HDAC9: variants seen among roughly 807,000 people sequenced by gnomAD.
The protein encoded by HDAC9 is MEF-2 interacting transcription repressor (MITR) protein.
In HDAC9, 41 loss-of-function variants were observed where a neutral mutation model predicts 139.4. The ratio of observed to expected loss-of-function variants is 0.29; its 90% CI spans 0.23 to 0.38. The LOEUF is 0.38. Ranked by LOEUF, HDAC9 falls within the 10% of genes least tolerant of loss-of-function variation. HDAC9 has a pLI of 1.00. For synonymous variants in HDAC9, 517 were observed against 476.2 expected, an observed-to-expected ratio of 1.09 and a Z score of -1.12; for missense variants, 1,147 against 1,297.0, an observed-to-expected ratio of 0.88 and a Z score of 1.78.
chr7:18,915,031 T>C (rs1272545958), intron 22 of HDAC9, among the ~76,000 whole-genome samples: 1 of 152,100 alleles, frequency 6.6e-6, no homozygotes, highest in Non-Finnish European at 1.5e-5. Flanking sequence ...CAAAATCTTG[T>C]GTATCTTGTT....
intron 1 of HDAC9, among the ~76,000 whole-genome samples, chr7:18,134,176 G>T (rs113683212): frequency 6.6e-6 from 1 of 152,044 alleles, no homozygotes; most frequent in African/African-American, 2.4e-5. Flanking sequence ...CTGTGGGACT[G>T]CTTTAAAGTT....
At chr7:18,869,887 GTT>G (rs146884767) in intron 21 of HDAC9, among the ~76,000 whole-genome samples, 66,716 of 145,174 alleles carry the variant, frequency 0.46, 15,545 homozygotes, top group African/African-American at 0.59. Flanking sequence ...GGTTTTTTTT[GTT>G]TTTTTTTTTT....
chr7:18,506,335 C>T (rs1312116314), intron 2 of HDAC9, among the ~76,000 whole-genome samples: 1 of 152,118 alleles, frequency 6.6e-6, no homozygotes, highest in East Asian at 1.9e-4. Context: ...TTGATGATGA[C>T]AACAAGAGAC....
chr7:18,166,758 A>T (rs529662557), intron 2 of HDAC9, among the ~76,000 whole-genome samples: 2 of 152,228 alleles, frequency 1.3e-5, no homozygotes, highest in South Asian at 2.1e-4. Context: ...CACCATTTTT[A>T]CTCCAGTGCA....
chr7:18,726,475 A>G (rs1785555514), intron 12 of HDAC9, among the ~76,000 whole-genome samples: 1 of 152,202 alleles, frequency 6.6e-6, no homozygotes, highest in African/African-American at 2.4e-5. Context: ...ACACATTTAT[A>G]AAATTACTAG....
chr7:18,394,875 A>G (rs771541164), intron 1 of HDAC9, among the ~76,000 whole-genome samples: 7 of 152,134 alleles, frequency 4.6e-5, no homozygotes, highest in Non-Finnish European at 1.0e-4. Context: ...ACAATTACCT[A>G]TGTATTTATT....
chr7:18,335,343 C>T (rs1781506750), intron 1 of HDAC9, among the ~76,000 whole-genome samples: 3 of 151,458 alleles, frequency 2.0e-5, no homozygotes, highest in Admixed American at 2.0e-4. Flanking sequence ...AATCTTAGGT[C>T]CTAATCTTGT....
chr7:18,658,134 C>G (rs1038960258), intron 11 of HDAC9, among the ~76,000 whole-genome samples: 1 of 151,970 alleles, frequency 6.6e-6, no homozygotes, highest in Non-Finnish European at 1.5e-5. Flanking sequence ...AACACAAACA[C>G]CCACCTGCTC....
chr7:18,413,468 C>A (rs1788762594), intron 1 of HDAC9, among the ~76,000 whole-genome samples: 1 of 152,090 alleles, frequency 6.6e-6, no homozygotes, highest in Non-Finnish European at 1.5e-5. Context: ...ACCTTTCCCC[C>A]ACTTAAAGAT....
intron 16 of HDAC9, among the ~76,000 whole-genome samples, chr7:18,780,758 G>A (rs1585024854): frequency 6.6e-6 from 1 of 152,056 alleles, no homozygotes; most frequent in South Asian, 2.1e-4. Context: ...TCATTCCCTC[G>A]ACAAAATTTG....
chr7:18,860,764 C>T (rs1217745829), intron 21 of HDAC9, among the ~76,000 whole-genome samples: 5 of 152,170 alleles, frequency 3.3e-5, no homozygotes, highest in African/African-American at 1.2e-4. Context: ...ATGGAGCTGA[C>T]CTCCTTGTCA....
At chr7:18,553,409 T>G (rs1817751742) in intron 2 of HDAC9, among the ~76,000 whole-genome samples, 2 of 152,144 alleles carry the variant, frequency 1.3e-5, no homozygotes, top group African/African-American at 4.8e-5. Flanking sequence ...TGTGTAAAGA[T>G]TCAGTAAAAA....
At chr7:18,568,052 A>ATATATATATATATATATG (rs1823040850) in intron 2 of HDAC9, among the ~76,000 whole-genome samples, 2 of 139,056 alleles carry the variant, frequency 1.4e-5, no homozygotes, top group African/African-American at 5.2e-5. Flanking sequence ...ATATATATAT[A>ATATATATATATATATATG]TGTAAGCTTA....
chr7:18,852,157 C>T (rs953146419), intron 21 of HDAC9, among the ~76,000 whole-genome samples: 3 of 152,210 alleles, frequency 2.0e-5, no homozygotes, highest in Admixed American at 2.0e-4. Context: ...AGCTGACTTT[C>T]TCCCATGTGC....
At chr7:18,197,315 C>T (rs1290139811) in intron 2 of HDAC9, among the ~76,000 whole-genome samples, 2 of 151,974 alleles carry the variant, frequency 1.3e-5, no homozygotes, top group Non-Finnish European at 2.9e-5. Flanking sequence ...ATGGGAGCCA[C>T]AGGAGTTGAG....
intron 1 of HDAC9, among the ~76,000 whole-genome samples, chr7:18,137,709 G>C (rs975354501): frequency 6.6e-6 from 1 of 151,902 alleles, no homozygotes; most frequent in Non-Finnish European, 1.5e-5. Flanking sequence ...CGTTTTGCCA[G>C]TATTTTATTG....
chr7:18,671,899 C>G (rs1282372922), intron 12 of HDAC9, among the ~76,000 whole-genome samples: 1 of 152,064 alleles, frequency 6.6e-6, no homozygotes, highest in African/African-American at 2.4e-5. Context: ...GTACTTCATT[C>G]CTTCTTATGG....
At chr7:18,685,260 T>A (rs536463463) in intron 12 of HDAC9, among the ~76,000 whole-genome samples, 60 of 152,178 alleles carry the variant, frequency 3.9e-4, no homozygotes, top group African/African-American at 1.4e-3. Context: ...CCATCCATTG[T>A]GTGTTCTAAC....
intron 24 of HDAC9, among the ~76,000 whole-genome samples, chr7:18,969,030 G>A (rs1161684498): frequency 7.1e-6 from 1 of 141,020 alleles, no homozygotes; most frequent in African/African-American, 2.6e-5. Flanking sequence ...GCTAGAATTT[G>A]TGAGGCAAAA....
Sources: gnomAD v4.1 joint callset for allele counts (sites outside exome capture counted in the v4.1 genomes callset) on GRCh38, gnomAD v4.1.1 for gene constraint, MANE v1.5 for transcripts, NCBI Gene and HGNC (gene_info 2026-07-23, HGNC 2026-07-21) for gene names.